The following FBXL7 variants were observed in gnomAD, a reference collection of about 807,000 sequenced individuals.
FBXL7 encodes F-box/LRR-repeat protein 7.
Under a neutral mutation model 38.3 loss-of-function variants are expected in FBXL7, and 12 were observed. That is an observed-to-expected ratio of 0.31 (90% confidence interval 0.20 to 0.51). The LOEUF (loss-of-function observed/expected upper bound fraction) is 0.51, where lower values mean the gene tolerates loss of function less well. Among genes scored for constraint, FBXL7 ranks in the 20% least tolerant of loss-of-function variants. FBXL7 has a pLI of 0.98. For synonymous variants in FBXL7, 297 were observed against 300.9 expected (o/e 0.99, Z 0.13); for missense variants, 567 against 676.4 (o/e 0.84, Z 1.79).
chr5:15,567,574 CTCTT>C (rs1465993517), intron 1 of FBXL7, among the ~76,000 whole-genome samples: 3 of 151,304 alleles, frequency 2.0e-5, no homozygotes, highest in Non-Finnish European at 4.4e-5. Flanking sequence ...TTAAGTCTGT[CTCTT>C]TCTTCTTTTT....
At chr5:15,757,624 T>C (rs9637827) in intron 2 of FBXL7, among the ~76,000 whole-genome samples, 8,207 of 152,226 alleles carry the variant, frequency 0.054, 241 homozygotes, top group East Asian at 0.1. Flanking sequence ...ATCTCAGATT[T>C]TCTCTGCCTT....
chr5:15,758,310 G>A (rs945596209), intron 2 of FBXL7, among the ~76,000 whole-genome samples: 2 of 148,970 alleles, frequency 1.3e-5, no homozygotes, highest in African/African-American at 4.9e-5. Flanking sequence ...ATAAACAAGG[G>A]CATTTTTTTT....
intron 2 of FBXL7, among the ~76,000 whole-genome samples, chr5:15,651,813 G>A (rs191208573): frequency 2.0e-5 from 3 of 152,258 alleles, no homozygotes; most frequent in Admixed American, 6.5e-5. Context: ...TTGAAGCCAG[G>A]CATTGACTTC....
intron 2 of FBXL7, among the ~76,000 whole-genome samples, chr5:15,832,598 C>T (rs1254651666): frequency 1.3e-5 from 2 of 152,130 alleles, no homozygotes; most frequent in African/African-American, 4.8e-5. Flanking sequence ...AAGTGGCTAT[C>T]AGTAGAAGAA....
chr5:15,883,660 T>C (rs953703392), intron 2 of FBXL7, among the ~76,000 whole-genome samples: 4 of 152,210 alleles, frequency 2.6e-5, no homozygotes, highest in African/African-American at 4.8e-5. Flanking sequence ...GCTGGTCAAA[T>C]TGCCAGTTTT....
chr5:15,867,521 T>G (rs1178050920), intron 2 of FBXL7, among the ~76,000 whole-genome samples: 1 of 152,216 alleles, frequency 6.6e-6, no homozygotes. Flanking sequence ...CTGATATTGT[T>G]TTCCCAAAAT....
intron 2 of FBXL7, among the ~76,000 whole-genome samples, chr5:15,903,758 T>TATTAA (rs138705198): frequency 1.3e-5 from 2 of 152,184 alleles, no homozygotes; most frequent in Admixed American, 6.5e-5. Context: ...TAAGAATTTT[T>TATTAA]ATTAAATTAA....
intron 2 of FBXL7, among the ~76,000 whole-genome samples, chr5:15,856,957 G>A (rs1369328603): frequency 6.6e-6 from 1 of 152,098 alleles, no homozygotes; most frequent in Non-Finnish European, 1.5e-5. Flanking sequence ...CTTTATGTAT[G>A]TATGCAAGTA....
chr5:15,728,699 C>T (rs1735489665), intron 2 of FBXL7, among the ~76,000 whole-genome samples: 1 of 152,094 alleles, frequency 6.6e-6, no homozygotes, highest in Non-Finnish European at 1.5e-5. Context: ...ATGAACTCTG[C>T]TTCTACTTCT....
Position 15,556,994 on chromosome 5 carries a change from G to A in FBXL7, c.37+56281G>A, listed in dbSNP as rs185763528. On this transcript the variant is annotated intron_variant, in intron 1 of 3. Transcript: ENST00000504595. ...GCTCTGTCTCCCAGGCTGGAGTGCG[G>A]TGGCGCGATCTCGGCTCACTGCAAG... 3.3e-3 allele frequency among the ~76,000 whole-genome samples: 510 copies of A among 152,312 alleles called. 4 individuals are homozygous for A. Among genetic ancestry groups the A allele is most frequent in the African/African-American group, 0.011 (443 of 41,562 alleles).
chr5:15,769,107 C>A (rs1304747209), intron 2 of FBXL7, among the ~76,000 whole-genome samples: 1 of 152,214 alleles, frequency 6.6e-6, no homozygotes, highest in Admixed American at 6.5e-5. Flanking sequence ...TCCCTCACTG[C>A]ATTGTCCGCT....
chr5:15,816,234 T>C (rs1003007016), intron 2 of FBXL7, among the ~76,000 whole-genome samples: 7 of 148,240 alleles, frequency 4.7e-5, no homozygotes, highest in Non-Finnish European at 7.5e-5. Context: ...CATGAGTGAA[T>C]AGAAAAAATC....
chr5:15,754,911 A>G (rs573225012), intron 2 of FBXL7, among the ~76,000 whole-genome samples: 1 of 152,294 alleles, frequency 6.6e-6, no homozygotes, highest in African/African-American at 2.4e-5. Flanking sequence ...CTTGCTCACT[A>G]CAATGACCAA....
intron 2 of FBXL7, among the ~76,000 whole-genome samples, chr5:15,641,698 A>C (rs138860618): frequency 6.6e-6 from 1 of 152,228 alleles, no homozygotes; most frequent in East Asian, 1.9e-4. Flanking sequence ...CAATCTGTGG[A>C]AAGCCTGAAT....
At chr5:15,737,688 G>C (rs569297248) in intron 2 of FBXL7, among the ~76,000 whole-genome samples, 1 of 152,304 alleles carries the variant, frequency 6.6e-6, no homozygotes, top group Admixed American at 6.5e-5. Flanking sequence ...TGGCCACACT[G>C]TTCAGTAATA....
intron 2 of FBXL7, among the ~76,000 whole-genome samples, chr5:15,773,640 C>G (rs565197685): frequency 6.6e-6 from 1 of 152,124 alleles, no homozygotes; most frequent in Admixed American, 6.6e-5. Flanking sequence ...CAGATCTTGT[C>G]TCAAAAAAAT....
chr5:15,900,231 A>G (rs2126407508), intron 2 of FBXL7, among the ~76,000 whole-genome samples: 1 of 152,348 alleles, frequency 6.6e-6, no homozygotes, highest in East Asian at 1.9e-4. Context: ...AGGTTACAGG[A>G]CAGCATCTCT....
At chr5:15,895,468 T>C (rs1741067790) in intron 2 of FBXL7, among the ~76,000 whole-genome samples, 1 of 152,088 alleles carries the variant, frequency 6.6e-6, no homozygotes, top group East Asian at 1.9e-4. Context: ...CAGAGAAGAA[T>C]ATGAGATTAA....
At chr5:15,697,561 A>G (rs1743379903) in intron 2 of FBXL7, among the ~76,000 whole-genome samples, 1 of 151,864 alleles carries the variant, frequency 6.6e-6, no homozygotes, top group Non-Finnish European at 1.5e-5. Flanking sequence ...CAGAGAGACT[A>G]TTTCTGCATT....
Sources: allele counts gnomAD v4.1 joint callset (sites outside exome capture counted in the v4.1 genomes callset), GRCh38; gene constraint gnomAD v4.1.1; transcripts MANE v1.5; gene names NCBI Gene and HGNC (gene_info 2026-07-23, HGNC 2026-07-21).